GPHN: variants seen among roughly 807,000 people sequenced by gnomAD.
The protein encoded by GPHN is gephyrin.
Under a neutral mutation model 95.5 loss-of-function variants are expected in GPHN, and 17 were observed. The observed-to-expected ratio is 0.18, with a 90% CI of 0.12 to 0.27. GPHN has a LOEUF of 0.27. Among genes scored for constraint, GPHN ranks in the 10% least tolerant of loss-of-function variants. GPHN has a pLI of 1.00. For missense variants in GPHN, 660 were observed against 978.1 expected, an observed-to-expected ratio of 0.67 and a Z score of 4.34; for synonymous variants, 320 against 322.5, an observed-to-expected ratio of 0.99 and a Z score of 0.08.
chr14:67,316,817 C>T, the GPHN span: 3 of 1,596,070 alleles, frequency 1.9e-6, no homozygotes, highest in South Asian at 2.3e-5. Flanking sequence ...CCTTCTTTTT[C>T]TTTCTGCTAT....
the GPHN span, chr14:67,388,233 C>T: frequency 1.1e-5 from 17 of 1,610,910 alleles, no homozygotes; most frequent in South Asian, 4.4e-5. Context: ...CCAGTGGGAA[C>T]GCCATTATCT....
chr14:67,729,636 G>A, the GPHN span: 3 of 615,014 alleles, frequency 4.9e-6, no homozygotes, highest in African/African-American at 3.7e-5. Context: ...CTTTCTGAAA[G>A]CTTTTAAAGA....
At chr14:67,134,953 CTTTTT>C (rs57933607) in intron 17 of GPHN, among the ~76,000 whole-genome samples, 3 of 45,252 alleles carry the variant, frequency 6.6e-5, no homozygotes, top group Non-Finnish European at 4.2e-5. Flanking sequence ...TTTCTTTCTT[CTTTTT>C]TTTTTTTTTT....
the GPHN span, among the ~76,000 whole-genome samples, chr14:67,539,439 C>T: frequency 6.6e-6 from 1 of 152,140 alleles, no homozygotes; most frequent in African/African-American, 2.4e-5. Flanking sequence ...TTACTCGGTC[C>T]ATCAGTGGTT....
At chr14:66,862,935 T>A (rs1271336656) in intron 4 of GPHN, among the ~76,000 whole-genome samples, 1 of 152,100 alleles carries the variant, frequency 6.6e-6, no homozygotes, top group Non-Finnish European at 1.5e-5. Flanking sequence ...ATGCCTACTG[T>A]CAGCACTATT....
the GPHN span, chr14:67,619,975 A>T: frequency 6.3e-7 from 1 of 1,587,936 alleles, no homozygotes; most frequent in Non-Finnish European, 8.6e-7. Context: ...AGTGCTGCGG[A>T]TCATGTCCCT....
chr14:67,403,429 A>G, the GPHN span, among the ~76,000 whole-genome samples: 1 of 152,206 alleles, frequency 6.6e-6, no homozygotes, highest in Non-Finnish European at 1.5e-5. Context: ...CAGAAATGAC[A>G]CCAACCTAGT....
At chr14:66,665,959 G>T (rs927337683) in intron 1 of GPHN, among the ~76,000 whole-genome samples, 5 of 152,142 alleles carry the variant, frequency 3.3e-5, no homozygotes. Flanking sequence ...TAGGGGCATG[G>T]ATGAAGCTGG....
At position 66,876,564 on chromosome 14, in the gene GPHN, A is replaced by G. The variant is rs151311930; in HGVS notation, c.295-3375A>G. On this transcript the variant is annotated intron_variant, in intron 4 of 22. Transcript: ENST00000478722. ...TACAATACAAAATGATAAATGGGATATCACACTGATCCCACCAAAATACAA... is the reference window on the plus strand; with the variant it reads ...TACAATACAAAATGATAAATGGGATGTCACACTGATCCCACCAAAATACAA... 1.8e-3 allele frequency among the ~76,000 whole-genome samples: 280 copies of G among 152,342 alleles called. 2 individuals are homozygous for G. The highest frequency in any genetic ancestry group is 6.6e-3 in the African/African-American group (276 of 41,590).
At chr14:66,780,732 G>A (rs1380831883) in intron 3 of GPHN, among the ~76,000 whole-genome samples, 1 of 152,056 alleles carries the variant, frequency 6.6e-6, no homozygotes, top group Admixed American at 6.5e-5. Flanking sequence ...AGTACTCAAA[G>A]AAAAACTGTT....
At chr14:67,639,069 G>C in the GPHN span, among the ~76,000 whole-genome samples, 1 of 152,226 alleles carries the variant, frequency 6.6e-6, no homozygotes, top group Non-Finnish European at 1.5e-5. Context: ...CCTGTAATGA[G>C]AGCAGAGTGG....
chr14:66,715,141 G>C (rs1449631066), intron 2 of GPHN, among the ~76,000 whole-genome samples: 1 of 152,040 alleles, frequency 6.6e-6, no homozygotes, highest in South Asian at 2.1e-4. Flanking sequence ...TTAAATTACT[G>C]TTTCAGTCTT....
At chr14:67,104,061 A>G (rs893088601) in intron 13 of GPHN, among the ~76,000 whole-genome samples, 1 of 151,998 alleles carries the variant, frequency 6.6e-6, no homozygotes, top group Admixed American at 6.6e-5. Context: ...TAAGTTGTTG[A>G]GAGTTTTAAC....
chr14:67,011,409 CAA>C (rs1224027486), intron 9 of GPHN, among the ~76,000 whole-genome samples: 7 of 123,096 alleles, frequency 5.7e-5, no homozygotes, highest in Admixed American at 8.4e-5. Flanking sequence ...CCCACCTCTA[CAA>C]AAAAAAAAAA....
intron 2 of GPHN, among the ~76,000 whole-genome samples, chr14:66,759,426 A>C (rs1408551786): frequency 6.6e-6 from 1 of 152,224 alleles, no homozygotes; most frequent in Non-Finnish European, 1.5e-5. Flanking sequence ...CAGTTTCTCT[A>C]ATTGTGTCCT....
intron 9 of GPHN, among the ~76,000 whole-genome samples, chr14:66,982,416 A>C (rs1447248433): frequency 6.6e-6 from 1 of 152,166 alleles, no homozygotes; most frequent in African/African-American, 2.4e-5. Flanking sequence ...CCTGGTAATT[A>C]ATCACTGAGG....
chr14:67,179,688 A>G lies in GPHN; in HGVS notation c.2176+14A>G. 7.9e-7 allele frequency: 1 copy of G among 1,268,018 alleles called. No individual in the cohort carries two copies. Among genetic ancestry groups the G allele is most frequent in the South Asian group, 1.2e-5 (1 of 84,302 alleles). 78.5% of individuals were successfully genotyped at this position (1,268,018 alleles called of 1,614,324 possible). A position where few individuals can be genotyped will look rare whatever the true frequency, so the allele number is the denominator to read the frequency against. The stretch of plus-strand genomic sequence containing the variant: ...CACAGAGTACAGGTTAGTCATTCAC[A>G]TCTACAGATATTCCTAGACACCTAT... On this transcript the variant is annotated intron_variant, in intron 22 of 22. Coordinates refer to ENST00000478722, the MANE Select transcript of GPHN (RefSeq NM_020806.5).
chr14:67,264,611 A>G, the GPHN span, among the ~76,000 whole-genome samples: 54 of 152,216 alleles, frequency 3.5e-4, no homozygotes, highest in Non-Finnish European at 1.5e-5. Flanking sequence ...CCAGTGTGGA[A>G]ATAAATTTTT....
intron 3 of GPHN, among the ~76,000 whole-genome samples, chr14:66,783,193 T>C (rs1694208926): frequency 6.6e-6 from 1 of 152,140 alleles, no homozygotes; most frequent in South Asian, 2.1e-4. Context: ...ATAGTTTCAG[T>C]TGAGTCAAGC....
Sources: gnomAD v4.1 joint callset for allele counts (sites outside exome capture counted in the v4.1 genomes callset) on GRCh38, gnomAD v4.1.1 for gene constraint, MANE v1.5 for transcripts, NCBI Gene and HGNC (gene_info 2026-07-23, HGNC 2026-07-21) for gene names.